The following HECW2 variants were observed in gnomAD, a reference collection of about 807,000 sequenced individuals.
The protein encoded by HECW2 is E3 ubiquitin-protein ligase HECW2.
HECW2 carries 61 observed loss-of-function variants against 175.2 expected under a neutral mutation model. The ratio of observed to expected loss-of-function variants is 0.35; its 90% CI spans 0.28 to 0.43. The LOEUF is 0.43. Ranked by LOEUF, HECW2 falls within the 20% of genes least tolerant of loss-of-function variation. HECW2 has a pLI of 1.00. For missense variants in HECW2, 1,524 were observed against 2,000.5 expected (o/e 0.76, Z 4.54); for synonymous variants, 671 against 731.0 (o/e 0.92, Z 1.32).
At chr2:196,203,328 T>G (rs936513666) in intron 28 of HECW2, among the ~76,000 whole-genome samples, 1 of 152,186 alleles carries the variant, frequency 6.6e-6, no homozygotes. Flanking sequence ...GAAAAGGTTT[T>G]ACTTATTTAA....
chr2:196,532,309 T>A (rs1178171043), intron 1 of HECW2, among the ~76,000 whole-genome samples: 2 of 152,142 alleles, frequency 1.3e-5, no homozygotes, highest in African/African-American at 4.8e-5. Context: ...TAAAAAAGGA[T>A]GAGTTCATGT....
intron 1 of HECW2, among the ~76,000 whole-genome samples, chr2:196,499,980 T>C (rs879007598): frequency 2.0e-5 from 3 of 152,186 alleles, no homozygotes; most frequent in Non-Finnish European, 4.4e-5. Context: ...CTCTTTTCTA[T>C]ACACATATGA....
intron 21 of HECW2, among the ~76,000 whole-genome samples, chr2:196,237,687 A>C (rs745835594): frequency 6.6e-6 from 1 of 152,140 alleles, no homozygotes; most frequent in Admixed American, 6.5e-5. Flanking sequence ...CCATGTATTT[A>C]TATCAGTATG....
chr2:196,358,653 T>C (rs938278668), intron 2 of HECW2, among the ~76,000 whole-genome samples: 16 of 150,062 alleles, frequency 1.1e-4, no homozygotes, highest in African/African-American at 3.9e-4. Context: ...AAGGGAGCTA[T>C]GTTTTCATTT....
intron 28 of HECW2, among the ~76,000 whole-genome samples, chr2:196,208,308 G>T (rs1024291950): frequency 2.6e-5 from 4 of 152,206 alleles, no homozygotes; most frequent in Middle Eastern, 3.2e-3. Context: ...AGATATGAAA[G>T]TCTGGATTAT....
At chr2:196,468,992 G>A (rs1342309926) in intron 1 of HECW2, among the ~76,000 whole-genome samples, 3 of 152,134 alleles carry the variant, frequency 2.0e-5, no homozygotes, top group Non-Finnish European at 4.4e-5. Flanking sequence ...GATGGAAGAA[G>A]CAACAATTCT....
chr2:196,553,266 G>A lies in HECW2; in HGVS notation c.-36+40242C>T, dbSNP rs74611000. On this transcript the variant is annotated intron_variant, in intron 1 of 28. Transcript: ENST00000644978. ...GTAGTAATTCTACTACATCTGAAGA[G>A]GTTTTGGAACCAAGTTAATTGAAGT... 9.7e-3 allele frequency among the ~76,000 whole-genome samples: 1,473 copies of A among 152,284 alleles called. 14 individuals are homozygous for A. The highest frequency in any genetic ancestry group is 0.017 in the Non-Finnish European group (1,144 of 68,026).
chr2:196,436,014 C>T (rs1263850372), intron 1 of HECW2, among the ~76,000 whole-genome samples: 2 of 152,172 alleles, frequency 1.3e-5, no homozygotes, highest in Admixed American at 6.5e-5. Context: ...CAAAGCATAG[C>T]GCCTAACAGA....
intron 2 of HECW2, among the ~76,000 whole-genome samples, chr2:196,375,416 G>A (rs1201930682): frequency 6.6e-6 from 1 of 152,166 alleles, no homozygotes; most frequent in Non-Finnish European, 1.5e-5. Context: ...ATCATTGTGA[G>A]CATTCATGAT....
intron 1 of HECW2, among the ~76,000 whole-genome samples, chr2:196,546,179 T>G (rs1689414819): frequency 6.6e-6 from 1 of 152,224 alleles, no homozygotes. Context: ...GTTTCTTCCT[T>G]ATAGGCACAA....
In HECW2 at chr2:196,521,962, T is replaced by C. The variant is rs1440372154; in HGVS notation, c.-36+71546A>G. 5.3e-5 allele frequency among the ~76,000 whole-genome samples: 8 copies of C among 152,248 alleles called. No homozygotes were observed. The South Asian group carries it at 1.5e-3, about 28-fold the overall frequency. On this transcript the variant is annotated intron_variant, in intron 1 of 28. Transcript: ENST00000644978. The stretch of plus-strand genomic sequence containing the variant: ...AAACATACATGTGCCTGTGTCTTTA[T>C]AGCAGCATGATTTATAGTCCTTTGG...
chr2:196,392,488 TG>T (rs68002835), intron 2 of HECW2, among the ~76,000 whole-genome samples: 22,711 of 152,148 alleles, frequency 0.15, 1,854 homozygotes, highest in Middle Eastern at 0.25. Flanking sequence ...AAAAAATTTT[TG>T]TTAATTAATT....
chr2:196,572,096 G>A (rs1690408787), intron 1 of HECW2, among the ~76,000 whole-genome samples: 1 of 152,168 alleles, frequency 6.6e-6, no homozygotes, highest in African/African-American at 2.4e-5. Flanking sequence ...CAGAAATTCA[G>A]AAACAAAAAG....
chr2:196,437,608 T>A (rs1695916064), intron 1 of HECW2, among the ~76,000 whole-genome samples: 1 of 1,046 alleles, frequency 9.6e-4, no homozygotes, highest in Non-Finnish European at 5.0e-3. Flanking sequence ...TGAGACTCTG[T>A]CTCAAAAAAA....
intron 17 of HECW2, chr2:196,263,965 T>G (rs188513538): frequency 1.3e-5 from 2 of 152,218 alleles, no homozygotes; most frequent in African/African-American, 4.8e-5. Context: ...ACAGACAGTA[T>G]GATCTATTGA....
chr2:196,415,587 CG>C lies in HECW2; in HGVS notation c.292+17544del, dbSNP rs1360609183. Among the ~76,000 whole-genome samples, 8 of 104,232 alleles carry C rather than the reference CG, an allele frequency of 7.7e-5. No individual in the cohort carries two copies. The Admixed American group carries it at 9.1e-4, about 12-fold the overall frequency. 68.4% of individuals were successfully genotyped at this position (104,232 alleles called of 152,430 possible). On this transcript the variant is annotated intron_variant, in intron 2 of 28. Coordinates refer to ENST00000644978, the MANE Select transcript of HECW2 (RefSeq NM_001348768.2). ...GCTGACTTCCTGCTACCAATGTGCACGCGCTGAATGCGGAGCTGAGCTTTCG... is the reference window on the plus strand; with the variant it reads ...GCTGACTTCCTGCTACCAATGTGCACCGCTGAATGCGGAGCTGAGCTTTCG...
intron 2 of HECW2, among the ~76,000 whole-genome samples, chr2:196,353,546 G>A (rs1693249211): frequency 6.6e-6 from 1 of 152,184 alleles, no homozygotes; most frequent in Non-Finnish European, 1.5e-5. Flanking sequence ...ATATTTGGTT[G>A]AATGGAAGAT....
chr2:196,498,549 C>T (rs1056962592), intron 1 of HECW2, among the ~76,000 whole-genome samples: 3 of 152,248 alleles, frequency 2.0e-5, no homozygotes, highest in African/African-American at 7.2e-5. Flanking sequence ...TGCATATAGG[C>T]CAGGCTATGG....
chr2:196,548,780 G>C (rs1689510627), intron 1 of HECW2, among the ~76,000 whole-genome samples: 1 of 152,086 alleles, frequency 6.6e-6, no homozygotes, highest in African/African-American at 2.4e-5. Flanking sequence ...TTCCTTCTTG[G>C]GGCTGTGAGG....
Sources: allele counts gnomAD v4.1 joint callset (sites outside exome capture counted in the v4.1 genomes callset), GRCh38; gene constraint gnomAD v4.1.1; transcripts MANE v1.5; gene names NCBI Gene and HGNC (gene_info 2026-07-23, HGNC 2026-07-21).